KIF1B: variants seen among roughly 807,000 people sequenced by gnomAD.
KIF1B encodes kinesin-like protein KIF1B.
In KIF1B, 76 loss-of-function variants were observed where a neutral mutation model predicts 241.9. The observed-to-expected ratio is 0.31, with a 90% CI of 0.26 to 0.38. The LOEUF (loss-of-function observed/expected upper bound fraction) is 0.38. Among genes scored for constraint, KIF1B ranks in the 10% least tolerant of loss-of-function variants. KIF1B has a pLI of 1.00. For synonymous variants in KIF1B, 750 were observed against 796.7 expected (o/e 0.94, Z 0.99); for missense variants, 1,622 against 2,271.4 (o/e 0.71, Z 5.81).
In KIF1B at chr1:10,350,342, G is replaced by A. The variant is rs933343713; in HGVS notation, c.3949+1609G>A. ...TGGGAGGCCAAGATGGGCGGATCAC[G>A]AGGTCAGGAGATCGAGACCATCCTG... On this transcript the variant is annotated intron_variant, in intron 37 of 48. Transcript: ENST00000676179. 2.3e-4 allele frequency among the ~76,000 whole-genome samples: 33 copies of A among 144,742 alleles called. 1 individual carries two copies. The highest frequency in any genetic ancestry group is 1.2e-4 in the Non-Finnish European group (8 of 65,652). The allele number at this position is 144,742 out of a possible 152,430, so 95.0% of individuals were successfully genotyped here. A position where few individuals can be genotyped will look rare whatever the true frequency, so the allele number is the denominator to read the frequency against.
chr1:10,303,460 A>G lies in KIF1B; in HGVS notation c.2115+6214A>G, dbSNP rs769611274. 8 of 1,614,060 alleles carry G rather than the reference A, an allele frequency of 5.0e-6. No individual in the cohort carries two copies. The highest frequency in any genetic ancestry group is 3.3e-5 in the Admixed American group (2 of 60,010). ...TGACTTCAGGCACAGTCGGCAGGAG[A>G]TTGAAGCCCTGGCCATTGTCAAGAT... is the stretch of plus-strand genomic sequence containing the variant. On this transcript the variant is annotated intron_variant, in intron 22 of 48. Coordinates refer to ENST00000676179, the MANE Select transcript of KIF1B (RefSeq NM_001365951.3). This position sits in a 1 kb window ranked among gnomAD's most constrained non-coding sequence, Gnocchi z 5.2.
At chr1:10,223,082 T>C (rs1231197669) in intron 1 of KIF1B, among the ~76,000 whole-genome samples, 2 of 152,006 alleles carry the variant, frequency 1.3e-5, no homozygotes, top group Non-Finnish European at 2.9e-5. Context: ...TGAAACTCTG[T>C]CTCTACTAAA....
chr1:10,235,602 T>C (rs929700198), intron 2 of KIF1B, among the ~76,000 whole-genome samples: 1 of 152,206 alleles, frequency 6.6e-6, no homozygotes, highest in Admixed American at 6.5e-5. Flanking sequence ...GGCTCATGCC[T>C]GTAATCCCTG....
chr1:10,375,861 A>G lies in KIF1B; in HGVS notation c.5408+488A>G, dbSNP rs543505362. On this transcript the variant is annotated intron_variant, in intron 48 of 48. Transcript: ENST00000676179. ...GCCCAGGCTGGAGTGCAGTGGCATG[A>G]TATCGGCTCACCGCAACCTCCACCT... Among the ~76,000 whole-genome samples, 21 of 121,972 alleles carry G rather than the reference A, an allele frequency of 1.7e-4. No homozygotes were observed. In the South Asian group the frequency reaches 4.6e-3, roughly 27 times the overall value. 80.0% of individuals were successfully genotyped at this position (121,972 alleles called of 152,430 possible).
chr1:10,338,800 C>T (rs1042182488), intron 31 of KIF1B, among the ~76,000 whole-genome samples: 1 of 152,228 alleles, frequency 6.6e-6, no homozygotes, highest in Non-Finnish European at 1.5e-5. Flanking sequence ...ATGAGTTCAC[C>T]TGTCGTCAGG....
chr1:10,361,130 C>T (rs1638410645), intron 39 of KIF1B, 87 bp downstream of exon 39: 9 of 876,612 alleles, frequency 1.0e-5, no homozygotes, highest in South Asian at 2.6e-5. Context: ...GCGAAGATTC[C>T]ACTTGTTTTG....
intron 1 of KIF1B, among the ~76,000 whole-genome samples, chr1:10,215,646 A>G (rs6669115): frequency 0.012 from 1,785 of 152,120 alleles, 34 homozygotes; most frequent in African/African-American, 0.041. Context: ...CCTGGGCTCA[A>G]GTGGTCCTCC....
At chr1:10,297,272 G>A in intron 22 of KIF1B, 26 bp downstream of exon 22, 1 of 1,598,312 alleles carries the variant, frequency 6.3e-7, no homozygotes, top group Non-Finnish European at 8.6e-7. Context: ...CTGCTAAACT[G>A]TTGGGAAAAG....
intron 1 of KIF1B, among the ~76,000 whole-genome samples, chr1:10,226,929 C>T (rs937730244): frequency 6.6e-6 from 1 of 151,682 alleles, no homozygotes; most frequent in African/African-American, 2.4e-5. Flanking sequence ...GATCATGCCA[C>T]TGCACTCCCC....
rs555483205 is a variant in KIF1B, at chr1:10,252,493, C to G, written c.107-3754C>G. On this transcript the variant is annotated intron_variant, in intron 2 of 48. Transcript: ENST00000676179. ...TGGCACAATCTTGGCTAACTGCAGCCTGGACCTCCCTGGGCTCAGGTGATC... is the reference window on the plus strand; with the variant it reads ...TGGCACAATCTTGGCTAACTGCAGCGTGGACCTCCCTGGGCTCAGGTGATC... 1.4e-3 allele frequency among the ~76,000 whole-genome samples: 214 copies of G among 152,062 alleles called. 2 individuals carry two copies. Among genetic ancestry groups the G allele is most frequent in the African/African-American group, 5.1e-3 (210 of 41,448 alleles).
intron 14 of KIF1B, 29 bp from the exon 15 acceptor site, chr1:10,282,293 T>C (rs1255331417): frequency 1.3e-6 from 2 of 1,566,458 alleles, no homozygotes; most frequent in African/African-American, 1.4e-5. Flanking sequence ...TCCCTACTTT[T>C]CCTGCCTTCT....
chr1:10,376,346 C>T (rs1353883999), intron 48 of KIF1B, among the ~76,000 whole-genome samples, 199 bp from the exon 49 acceptor site: 1 of 152,122 alleles, frequency 6.6e-6, no homozygotes, highest in Non-Finnish European at 1.5e-5. Context: ...TTAATGGTCT[C>T]CCAACCTCCA....
At chr1:10,264,548 G>A (rs570833128) in intron 5 of KIF1B, among the ~76,000 whole-genome samples, 1 of 152,308 alleles carries the variant, frequency 6.6e-6, no homozygotes, top group African/African-American at 2.4e-5. Context: ...ACAAATTTAA[G>A]TACACAGCAA....
intron 38 of KIF1B, among the ~76,000 whole-genome samples, chr1:10,355,702 T>G (rs1005635330): frequency 2.0e-5 from 3 of 152,176 alleles, no homozygotes; most frequent in African/African-American, 7.2e-5. Context: ...AATCTCAGGT[T>G]TTGTTTTCTG....
chr1:10,325,170 T>C (rs1417090373), intron 26 of KIF1B, among the ~76,000 whole-genome samples: 1 of 152,218 alleles, frequency 6.6e-6, no homozygotes, highest in East Asian at 1.9e-4. Flanking sequence ...TTGATTAAGA[T>C]AAATTTAGAA....
intron 32 of KIF1B, 138 bp from the exon 33 acceptor site, chr1:10,341,912 A>T: frequency 2.9e-6 from 2 of 693,964 alleles, no homozygotes; most frequent in Non-Finnish European, 5.2e-6. Flanking sequence ...GTGAGGCCGC[A>T]TGAGCCTTGT....
chr1:10,251,125 C>T (rs932645410), intron 2 of KIF1B, among the ~76,000 whole-genome samples: 15 of 152,072 alleles, frequency 9.9e-5, no homozygotes, highest in Non-Finnish European at 2.2e-4. Context: ...GAGATCGTGC[C>T]ACTGCACTCC....
intron 43 of KIF1B, among the ~76,000 whole-genome samples, chr1:10,367,441 C>A (rs1002912244): frequency 1.3e-5 from 2 of 151,788 alleles, no homozygotes. Context: ...CGGTGGCACA[C>A]GCCTGTAATC....
intron 11 of KIF1B, 30 bp downstream of exon 11, chr1:10,275,533 T>C (rs754095528): frequency 9.4e-6 from 11 of 1,174,304 alleles, no homozygotes; most frequent in African/African-American, 1.5e-5. Flanking sequence ...AAAGTAGTTA[T>C]CTTTTTAACT....
Sources: allele counts gnomAD v4.1 joint callset (sites outside exome capture counted in the v4.1 genomes callset), GRCh38; gene constraint gnomAD v4.1.1; non-coding constraint Gnocchi (gnomAD v3.1); transcripts MANE v1.5; gene names NCBI Gene and HGNC (gene_info 2026-07-23, HGNC 2026-07-21).